The following GALNT9 variants were observed in gnomAD, a reference collection of about 807,000 sequenced individuals.
GALNT9 encodes the protein GalNAc transferase 9.
Under a neutral mutation model 63.1 loss-of-function variants are expected in GALNT9, and 47 were observed. That is an observed-to-expected ratio of 0.75 (90% CI 0.59 to 0.95). GALNT9 has a LOEUF of 0.95. Among genes scored for constraint, GALNT9 ranks in the 40% least tolerant of loss-of-function variants. GALNT9 has a pLI of 0.00. For missense variants in GALNT9, 829 were observed against 874.8 expected (o/e 0.95, Z 0.66); for synonymous variants, 396 against 365.7 (o/e 1.08, Z -0.94).
chr12:132,311,182 G>A (rs1555245137), intron 1 of GALNT9, among the ~76,000 whole-genome samples: 1 of 152,222 alleles, frequency 6.6e-6, no homozygotes, highest in East Asian at 1.9e-4. Context: ...GAGTGGGCCT[G>A]CAATTTGCTT....
In GALNT9 at chr12:132,254,186, G is replaced by T. The variant is rs534502202; in HGVS notation, c.959+3503C>A. ...ACAGGCACCTGACACCACGCCCTGC[G>T]AATTTTTGTATTTTTAGTAGAGACA... On this transcript the variant is annotated intron_variant, in intron 5 of 10. Coordinates refer to ENST00000328957, the MANE Select transcript of GALNT9 (RefSeq NM_001122636.2). 1.1e-4 allele frequency among the ~76,000 whole-genome samples: 16 copies of T among 151,834 alleles called. No homozygotes were observed. The East Asian group carries it at 3.1e-3, about 29-fold the overall frequency.
At position 132,197,866 on chromosome 12, in the gene GALNT9, T is replaced by C. The variant is rs755026599; in HGVS notation, c.1591A>G (p.Thr531Ala). 6.2e-7 allele frequency: 1 copy of C among 1,610,188 alleles called. No individual in the cohort carries two copies. Among genetic ancestry groups the C allele is most frequent in the Non-Finnish European group, 8.5e-7 (1 of 1,178,984 alleles). Residue 531 changes from threonine to alanine, a missense_variant, in exon 10 of 11, where the codon ACG (threonine) becomes GCG (alanine). Physicochemically the swap from Thr to Ala is moderately conservative, Grantham distance 58. Coordinates refer to ENST00000328957, the MANE Select transcript of GALNT9 (RefSeq NM_001122636.2). ...TTCTTCAGGGTGGGCATGCGGCCCG[T>C]GCCGTCATCCACCAGACACTTGGAG... ...PDSKCLVDDG[T>A]GRMPTLKKCE... is the part of the protein sequence containing the mutation.
At position 132,315,391 on chromosome 12, in the gene GALNT9, C is replaced by T. The variant is rs967812591; in HGVS notation, c.238+13575G>A. 1.3e-5 allele frequency among the ~76,000 whole-genome samples: 2 copies of T among 151,506 alleles called. No homozygotes were observed. The highest frequency in any genetic ancestry group is 2.4e-5 in the African/African-American group (1 of 41,166). ...TCCCCCGTGTCCACTGCAAAGTGCT[C>T]GAGCCTCAGAATATTAACAGGCATT... On this transcript the variant is annotated intron_variant, in intron 1 of 10. Transcript: ENST00000328957. This position sits in a 1 kb window ranked among gnomAD's most constrained non-coding sequence, Gnocchi z 6.1.
intron 1 of GALNT9, among the ~76,000 whole-genome samples, chr12:132,314,667 C>A (rs28392561): frequency 1.3e-5 from 2 of 152,160 alleles, no homozygotes; most frequent in African/African-American, 2.4e-5. Context: ...CTGCTGCCCC[C>A]CTGCCTGACT....
At chr12:132,208,079 G>C (rs1380328482) in intron 6 of GALNT9, among the ~76,000 whole-genome samples, 2 of 152,236 alleles carry the variant, frequency 1.3e-5, no homozygotes, top group African/African-American at 4.8e-5. Flanking sequence ...GGAGATTGAT[G>C]CTTATGCAGA....
At chr12:132,294,237 G>A (rs782462521) in intron 1 of GALNT9, among the ~76,000 whole-genome samples, 6 of 152,128 alleles carry the variant, frequency 3.9e-5, no homozygotes, top group Non-Finnish European at 7.4e-5. Flanking sequence ...TCCAATGAAC[G>A]AATGACTCTG....
intron 6 of GALNT9, among the ~76,000 whole-genome samples, chr12:132,217,615 T>A (rs111205319): frequency 7.8e-6 from 1 of 128,076 alleles, no homozygotes. Context: ...CATCCAGCCA[T>A]CCATCCATCC....
In GALNT9 at chr12:132,264,454, C is replaced by CG. The variant is rs1555240023; in HGVS notation, c.420-1830dup. ...TGTTTGGTTTCGGGCCCGGCTTGGTCGGGGGTCAAAACTTGTCAGTGGGAC... is the reference window on the plus strand; with the variant it reads ...TGTTTGGTTTCGGGCCCGGCTTGGTCGGGGGGTCAAAACTTGTCAGTGGGAC... On this transcript the variant is annotated intron_variant, in intron 2 of 10. Transcript: ENST00000328957. Among the ~76,000 whole-genome samples, 5 of 152,352 alleles carry CG rather than the reference C, an allele frequency of 3.3e-5. No homozygotes were observed. The East Asian group carries it at 7.7e-4, about 24-fold the overall frequency.
At chr12:132,220,659 G>C (rs540103047) in intron 6 of GALNT9, among the ~76,000 whole-genome samples, 1 of 152,302 alleles carries the variant, frequency 6.6e-6, no homozygotes, top group African/African-American at 2.4e-5. Flanking sequence ...AAGGAGATGA[G>C]AAACAGGAAG....
In GALNT9 at chr12:132,241,556, A is replaced by T. The variant is rs1591588811; in HGVS notation, c.1077+6354T>A. Among the ~76,000 whole-genome samples, 4 of 97,526 alleles carry T rather than the reference A, an allele frequency of 4.1e-5. No homozygotes were observed. The East Asian group carries it at 1.1e-3, about 26-fold the overall frequency. The allele number at this position is 97,526 out of a possible 152,430, so 64.0% of individuals were successfully genotyped here. A position where few individuals can be genotyped will look rare whatever the true frequency, so the allele number is the denominator to read the frequency against. ...CCTTCCCGGGGCCCTCCCTATACCC[A>T]TTACACACACACCACACCCCCTTCC... On this transcript the variant is annotated intron_variant, in intron 6 of 10. Coordinates refer to ENST00000328957, the MANE Select transcript of GALNT9 (RefSeq NM_001122636.2).
chr12:132,259,365 C>T (rs1263791218), intron 4 of GALNT9, among the ~76,000 whole-genome samples: 2 of 152,228 alleles, frequency 1.3e-5, no homozygotes, highest in African/African-American at 4.8e-5. Flanking sequence ...TTGTGCAGTG[C>T]ACAACGTGTG....
rs1868484833 is a variant in GALNT9 at position 132,315,859 on chromosome 12, G to C, written c.238+13107C>G. ...CCTCAGGGGAAGACCCCTCTATGCT[G>C]GGGCTGCAATAAACCCCTGTGCTGG... On this transcript the variant is annotated intron_variant, in intron 1 of 10. Coordinates refer to ENST00000328957, the MANE Select transcript of GALNT9 (RefSeq NM_001122636.2). This position sits in a 1 kb window ranked among gnomAD's most constrained non-coding sequence, Gnocchi z 6.1. Among the ~76,000 whole-genome samples the C allele has an allele frequency of 6.6e-6, 1 of 152,192 alleles. No homozygotes were observed. Among genetic ancestry groups the C allele is most frequent in the Non-Finnish European group, 1.5e-5 (1 of 68,024 alleles).
At chr12:132,291,498 GCCCACGTCCACACCA>G (rs1880842535) in intron 1 of GALNT9, among the ~76,000 whole-genome samples, 2 of 85,654 alleles carry the variant, frequency 2.3e-5, no homozygotes, top group Non-Finnish European at 2.4e-5. Flanking sequence ...CAACCACAGC[GCCCACGTCCACACCA>G]CCCACATCCA....
intron 8 of GALNT9, 24 bp downstream of exon 8, chr12:132,201,100 C>T (rs375772548): frequency 2.5e-5 from 40 of 1,607,456 alleles, no homozygotes; most frequent in South Asian, 3.3e-5. Context: ...TCGGGCCGAA[C>T]GGGGCCCTCG....
chr12:132,210,188 C>T (rs1221667117), intron 6 of GALNT9, among the ~76,000 whole-genome samples: 1 of 152,210 alleles, frequency 6.6e-6, no homozygotes, highest in Non-Finnish European at 1.5e-5. Flanking sequence ...CCCGGGCTGG[C>T]ACATCACAGC....
chr12:132,253,582 A>C lies in GALNT9; in HGVS notation c.959+4107T>G, dbSNP rs546140619. 2.4e-4 allele frequency among the ~76,000 whole-genome samples: 36 copies of C among 152,348 alleles called. 1 individual carries two copies. In the South Asian group the frequency reaches 5.2e-3, roughly 22 times the overall value. ...AAGCTAATGATTAATAATGTTTATA[A>C]TAATGATTGATAATTGTCCATGATC... On this transcript the variant is annotated intron_variant, in intron 5 of 10. Coordinates refer to ENST00000328957, the MANE Select transcript of GALNT9 (RefSeq NM_001122636.2).
chr12:132,306,665 C>A (rs1881627292), intron 1 of GALNT9, among the ~76,000 whole-genome samples: 1 of 152,214 alleles, frequency 6.6e-6, no homozygotes, highest in African/African-American at 2.4e-5. Context: ...TTCCCCCCTG[C>A]TCAGAGCCAG....
intron 6 of GALNT9, among the ~76,000 whole-genome samples, chr12:132,213,269 C>G (rs1277058814): frequency 3.6e-5 from 2 of 55,194 alleles, no homozygotes; most frequent in Non-Finnish European, 8.6e-5. Flanking sequence ...GGGTCTGCAG[C>G]CTTCAGACCA....
At chr12:132,313,950 C>G (rs1881925091) in intron 1 of GALNT9, among the ~76,000 whole-genome samples, 1 of 138,852 alleles carries the variant, frequency 7.2e-6, no homozygotes, top group African/African-American at 2.8e-5. Flanking sequence ...ATCCACCCAC[C>G]CATCCATCCA....
Sources: gnomAD v4.1 joint callset for allele counts (sites outside exome capture counted in the v4.1 genomes callset) on GRCh38, gnomAD v4.1.1 for gene constraint, Gnocchi (gnomAD v3.1) non-coding constraint, MANE v1.5 for transcripts, NCBI Gene and HGNC (gene_info 2026-07-23, HGNC 2026-07-21) for gene names.